PDE4D: variants seen among roughly 807,000 people sequenced by gnomAD.
PDE4D encodes 3',5'-cyclic-AMP phosphodiesterase 4D.
PDE4D carries 24 observed loss-of-function variants against 87.4 expected under a neutral mutation model. The observed-to-expected ratio is 0.27, with a 90% CI of 0.20 to 0.39. The LOEUF (loss-of-function observed/expected upper bound fraction) is 0.39, where lower values mean the gene tolerates loss of function less well. Among genes scored for constraint, PDE4D ranks in the 10% least tolerant of loss-of-function variants. The pLI, the probability that PDE4D is intolerant of heterozygous loss-of-function variation, is 1.00. For missense variants in PDE4D, 714 were observed against 1,041.0 expected (o/e 0.69, Z 4.32); for synonymous variants, 384 against 383.2 (o/e 1.00, Z -0.02).
intron 1 of PDE4D, among the ~76,000 whole-genome samples, chr5:59,889,443 T>A (rs1377250957): frequency 6.6e-6 from 1 of 151,608 alleles, no homozygotes; most frequent in Non-Finnish European, 1.5e-5. Flanking sequence ...ATTGTGCCAC[T>A]GTACTCCAAC....
chr5:60,091,475 C>CA (rs1413564228), intron 2 of PDE4D, among the ~76,000 whole-genome samples: 1 of 151,916 alleles, frequency 6.6e-6, no homozygotes, highest in Non-Finnish European at 1.5e-5. Context: ...ATCAAAAAGA[C>CA]AAAAAATAAA....
chr5:59,724,574 T>G (rs1434938238), intron 1 of PDE4D, among the ~76,000 whole-genome samples: 1 of 152,120 alleles, frequency 6.6e-6, no homozygotes, highest in Admixed American at 6.6e-5. Flanking sequence ...TTATACTTAA[T>G]TATGCATAAA....
intron 1 of PDE4D, among the ~76,000 whole-genome samples, chr5:60,269,831 A>T (rs1298875513): frequency 6.6e-6 from 1 of 152,232 alleles, no homozygotes; most frequent in Non-Finnish European, 1.5e-5. Flanking sequence ...CACAATATTT[A>T]TTTGTCATTT....
upstream of PDE4D, chr5:59,893,773 G>C: frequency 7.4e-7 from 1 of 1,345,012 alleles, no homozygotes; most frequent in Non-Finnish European, 9.5e-7. Flanking sequence ...AGGCGCCAGA[G>C]CCTCAGGGCT....
chr5:59,229,836 T>G (rs946995338), intron 1 of PDE4D, among the ~76,000 whole-genome samples: 1 of 151,654 alleles, frequency 6.6e-6, no homozygotes, highest in Non-Finnish European at 1.5e-5. Flanking sequence ...TTTGCTCTTG[T>G]TGTGCAGGCT....
intron 5 of PDE4D, among the ~76,000 whole-genome samples, chr5:59,138,548 T>C (rs1358313471): frequency 6.6e-6 from 1 of 152,194 alleles, no homozygotes; most frequent in Non-Finnish European, 1.5e-5. Flanking sequence ...CAAGATTACA[T>C]TGTCTAAGAC....
intron 1 of PDE4D, among the ~76,000 whole-genome samples, chr5:60,264,351 AT>A (rs1416200110): frequency 5.3e-5 from 8 of 152,338 alleles, no homozygotes; most frequent in African/African-American, 7.2e-5. Context: ...CTGTTGATTA[AT>A]TTGACTGCAA....
intron 6 of PDE4D, among the ~76,000 whole-genome samples, chr5:59,005,691 C>G (rs2153358261): frequency 1.3e-5 from 2 of 152,262 alleles, no homozygotes; most frequent in South Asian, 4.1e-4. Flanking sequence ...CTTTACATAC[C>G]TCATTTCTAA....
At chr5:58,980,483 TTG>T (rs1744853744) in intron 11 of PDE4D, among the ~76,000 whole-genome samples, 1 of 152,234 alleles carries the variant, frequency 6.6e-6, no homozygotes, top group African/African-American at 2.4e-5. Flanking sequence ...AAAGACAACT[TTG>T]TAAGTATTTA....
intron 1 of PDE4D, among the ~76,000 whole-genome samples, chr5:60,431,557 C>T (rs789394): frequency 0.26 from 38,595 of 149,962 alleles, 5,063 homozygotes; most frequent in South Asian, 0.44. Flanking sequence ...GATGGGATGG[C>T]GGCCGGGCAG....
intron 1 of PDE4D, among the ~76,000 whole-genome samples, chr5:59,461,431 T>C (rs1800772403): frequency 6.6e-6 from 1 of 152,142 alleles, no homozygotes; most frequent in Non-Finnish European, 1.5e-5. Flanking sequence ...TCAGGTTCTC[T>C]TTAGACACAG....
At chr5:60,339,091 A>C (rs971391770) in intron 1 of PDE4D, among the ~76,000 whole-genome samples, 3 of 152,180 alleles carry the variant, frequency 2.0e-5, no homozygotes, top group African/African-American at 7.2e-5. Context: ...GCAACAGCAA[A>C]ACTGGCATGA....
chr5:60,307,586 A>G (rs1308310597), intron 1 of PDE4D, among the ~76,000 whole-genome samples: 2 of 152,174 alleles, frequency 1.3e-5, no homozygotes, highest in African/African-American at 4.8e-5. Context: ...GAAATGGCCC[A>G]TAGAACACGC....
chr5:60,045,404 G>T (rs1451837820), intron 2 of PDE4D, among the ~76,000 whole-genome samples: 4 of 152,126 alleles, frequency 2.6e-5, no homozygotes, highest in African/African-American at 7.2e-5. Flanking sequence ...TGGTTGCCAT[G>T]GCTTTTGGTG....
intron 5 of PDE4D, among the ~76,000 whole-genome samples, chr5:59,105,360 C>T (rs377506614): frequency 6.6e-6 from 1 of 152,028 alleles, no homozygotes; most frequent in Non-Finnish European, 1.5e-5. Context: ...AATAATTTTC[C>T]AGCCTCTCCC....
chr5:60,293,135 A>C (rs545015015), intron 1 of PDE4D, among the ~76,000 whole-genome samples: 105 of 151,532 alleles, frequency 6.9e-4, no homozygotes, highest in African/African-American at 2.4e-3. Flanking sequence ...ACCTCCCCTT[A>C]TCAGAAAAAA....
intron 6 of PDE4D, among the ~76,000 whole-genome samples, chr5:59,031,379 A>AT (rs1421216134): frequency 1.3e-4 from 12 of 89,986 alleles, no homozygotes; most frequent in African/African-American, 2.6e-4. Flanking sequence ...ATATATATAT[A>AT]TATATATATA....
At chr5:59,790,106 T>C (rs1765619998) in intron 1 of PDE4D, among the ~76,000 whole-genome samples, 1 of 152,184 alleles carries the variant, frequency 6.6e-6, no homozygotes, top group Non-Finnish European at 1.5e-5. Context: ...GGAGTACCTC[T>C]ATCTGTAGAC....
At chr5:60,478,153 T>C (rs1424124393) in intron 1 of PDE4D, among the ~76,000 whole-genome samples, 1 of 152,180 alleles carries the variant, frequency 6.6e-6, no homozygotes, top group East Asian at 1.9e-4. Flanking sequence ...TTCTAAAATA[T>C]TTTATCTAAA....
Sources: allele counts gnomAD v4.1 joint callset (sites outside exome capture counted in the v4.1 genomes callset), GRCh38; gene constraint gnomAD v4.1.1; transcripts MANE v1.5; gene names NCBI Gene and HGNC (gene_info 2026-07-23, HGNC 2026-07-21).